The following DEF6 variants were observed in gnomAD, a reference collection of about 807,000 sequenced individuals.
DEF6 encodes the protein DEF6 guanine nucleotide exchange factor.
A neutral mutation model predicts 80.5 loss-of-function variants in DEF6; 32 were observed. The observed-to-expected ratio is 0.40, with a 90% CI of 0.30 to 0.53. The LOEUF (loss-of-function observed/expected upper bound fraction) is 0.53. Among genes scored for constraint, DEF6 ranks in the 20% least tolerant of loss-of-function variants. The pLI, the probability that DEF6 is intolerant of heterozygous loss-of-function variation, is 0.57. For missense variants in DEF6, 575 were observed against 818.7 expected (o/e 0.70, Z 3.63); for synonymous variants, 300 against 337.9 (o/e 0.89, Z 1.23).
At chr6:35,302,243 C>A (rs1226608151) in intron 1 of DEF6, among the ~76,000 whole-genome samples, 1 of 152,132 alleles carries the variant, frequency 6.6e-6, no homozygotes, top group Non-Finnish European at 1.5e-5. Flanking sequence ...CCTATAGTTC[C>A]TGCTACTCTG....
intron 1 of DEF6, among the ~76,000 whole-genome samples, chr6:35,307,138 C>T (rs1562147544): frequency 6.6e-6 from 1 of 152,356 alleles, no homozygotes; most frequent in East Asian, 1.9e-4. Flanking sequence ...TGGCTCACGC[C>T]CTGTAATCCC....
intron 1 of DEF6, among the ~76,000 whole-genome samples, chr6:35,301,584 A>C (rs1020184960): frequency 6.6e-6 from 1 of 152,154 alleles, no homozygotes; most frequent in Admixed American, 6.5e-5. Context: ...CAACCCCTAC[A>C]GCCCCTTCTT....
intron 1 of DEF6, 90 bp downstream of exon 1, chr6:35,298,042 C>G (rs1791263158): frequency 5.4e-6 from 6 of 1,117,994 alleles, no homozygotes; most frequent in Non-Finnish European, 5.2e-6. Context: ...CTGTGCCACT[C>G]CAGGGGCACC....
intron 2 of DEF6, among the ~76,000 whole-genome samples, chr6:35,310,028 TG>T (rs1483336035): frequency 6.7e-6 from 1 of 150,104 alleles, no homozygotes; most frequent in Non-Finnish European, 1.5e-5. Context: ...TCATCTCTAA[TG>T]AGGTGGGCCC....
At chr6:35,305,316 TG>T (rs1791374711) in intron 1 of DEF6, among the ~76,000 whole-genome samples, 2 of 150,678 alleles carry the variant, frequency 1.3e-5, no homozygotes, top group South Asian at 4.2e-4. Context: ...CGGCTAATTT[TG>T]GTATTACAAA....
At chr6:35,305,838 G>T (rs1194294999) in intron 1 of DEF6, among the ~76,000 whole-genome samples, 2 of 152,192 alleles carry the variant, frequency 1.3e-5, no homozygotes, top group Admixed American at 1.3e-4. Flanking sequence ...CTCCCAAAGT[G>T]CTGGGATTAC....
intron 5 of DEF6, chr6:35,313,275 C>G: frequency 2.4e-6 from 1 of 415,304 alleles, no homozygotes; most frequent in South Asian, 1.8e-5. Flanking sequence ...TGAAACTTCC[C>G]ATTTTAACTA....
intron 1 of DEF6, among the ~76,000 whole-genome samples, chr6:35,301,878 C>G (rs1203999729): frequency 6.6e-6 from 1 of 152,028 alleles, no homozygotes; most frequent in Non-Finnish European, 1.5e-5. Flanking sequence ...AGGTGCCCAC[C>G]ACCACGCCCA....
chr6:35,318,031 T>G lies in DEF6; in HGVS notation c.916+32T>G. ...GCTCGCTAGGTGGCTTGGGTCTGGGTGGTCCTTAGGCGCCTCATCTGTGAA... is the reference window on the plus strand; with the variant it reads ...GCTCGCTAGGTGGCTTGGGTCTGGGGGGTCCTTAGGCGCCTCATCTGTGAA... On this transcript the variant is annotated intron_variant, in intron 6 of 10. Transcript: ENST00000316637. This position sits in a 1 kb window ranked among gnomAD's most constrained non-coding sequence, Gnocchi z 5.1. 4 of 1,598,118 alleles carry G rather than the reference T, an allele frequency of 2.5e-6. No homozygotes were observed. The highest frequency in any genetic ancestry group is 3.4e-6 in the Non-Finnish European group (4 of 1,171,682).
At chr6:35,316,399 TCTCTTGCC>T (rs1055093457) in intron 5 of DEF6, among the ~76,000 whole-genome samples, 1 of 152,144 alleles carries the variant, frequency 6.6e-6, no homozygotes, top group African/African-American at 2.4e-5. Context: ...TTCATTTCCT[TCTCTTGCC>T]TAATTGCTCT....
At chr6:35,299,943 G>A (rs775628405) in intron 1 of DEF6, among the ~76,000 whole-genome samples, 3 of 148,412 alleles carry the variant, frequency 2.0e-5, no homozygotes, top group East Asian at 1.9e-4. Context: ...GGAAGCAGAC[G>A]AGAGAGTTAT....
intron 1 of DEF6, among the ~76,000 whole-genome samples, chr6:35,307,377 C>T (rs1331629998): frequency 3.3e-5 from 5 of 152,318 alleles, no homozygotes; most frequent in Middle Eastern, 3.4e-3. Flanking sequence ...CTAGCCTGGG[C>T]GGCAGATTTG....
chr6:35,299,856 G>A (rs1344774691), intron 1 of DEF6, among the ~76,000 whole-genome samples: 1 of 152,068 alleles, frequency 6.6e-6, no homozygotes, highest in Non-Finnish European at 1.5e-5. Context: ...GGAAGAGGAG[G>A]AAGTAGTGAT....
intron 1 of DEF6, among the ~76,000 whole-genome samples, chr6:35,299,201 A>G (rs1357931510): frequency 3.3e-5 from 5 of 152,204 alleles, no homozygotes; most frequent in African/African-American, 1.2e-4. Context: ...ACCTCCTAAC[A>G]GGCAGATTCT....
rs1791259212 is a variant in DEF6 at position 35,297,916 on chromosome 6, G to A, written c.60G>A (p.Val20=). 8 of 1,607,130 alleles carry A rather than the reference G, an allele frequency of 5.0e-6. No individual in the cohort carries two copies. Among genetic ancestry groups the A allele is most frequent in the South Asian group, 1.1e-5 (1 of 89,524 alleles). ...SIWYAFTALD[V]EKSGKVSKSQ... ...GGTACGCCTTTACCGCGCTGGACGT[G>A]GAGAAGAGTGGCAAAGTCTCCAAGT... Residue 20 remains valine (V), a synonymous_variant, in exon 1 of 11, where the codon GTG becomes GTA. Transcript: ENST00000316637.
At position 35,312,810 on chromosome 6, in the gene DEF6, C is replaced by G. The variant is rs374279802; in HGVS notation, c.807+38C>G. 3.1e-6 allele frequency: 5 copies of G among 1,593,360 alleles called. No homozygotes were observed. The highest frequency in any genetic ancestry group is 2.3e-5 in the East Asian group (1 of 44,258). On this transcript the variant is annotated intron_variant, in intron 5 of 10. Coordinates refer to ENST00000316637, the MANE Select transcript of DEF6 (RefSeq NM_022047.4). The surrounding 1 kb of genome is among the most constrained non-coding windows in gnomAD (Gnocchi z 6.6). Reference sequence around the variant, plus strand: ...ATGGGGGTGGAGGACATCTCAGGGCCCAGAGTGTCCTCAGGGGCATGAGAA... The same window carrying G: ...ATGGGGGTGGAGGACATCTCAGGGCGCAGAGTGTCCTCAGGGGCATGAGAA...
rs981924176 is a variant in DEF6 at position 35,301,715 on chromosome 6, A to C, written c.96+3763A>C. ...CTAGAATACATTTGGTAACTCTTAAAAGGAGCTGTGTCTTTTTTTTTTTTT... is the reference window on the plus strand; with the variant it reads ...CTAGAATACATTTGGTAACTCTTAACAGGAGCTGTGTCTTTTTTTTTTTTT... On this transcript the variant is annotated intron_variant, in intron 1 of 10. Transcript: ENST00000316637. 7.7e-5 allele frequency among the ~76,000 whole-genome samples: 11 copies of C among 142,106 alleles called. No individual in the cohort carries two copies. The Admixed American group carries it at 7.9e-4, about 10-fold the overall frequency. 93.2% of individuals were successfully genotyped at this position (142,106 alleles called of 152,430 possible).
intron 5 of DEF6, among the ~76,000 whole-genome samples, chr6:35,313,215 C>T (rs1214875072): frequency 2.6e-5 from 4 of 152,134 alleles, no homozygotes; most frequent in East Asian, 1.9e-4. Context: ...AGGCTTAAAA[C>T]ACAAGCGTCT....
chr6:35,318,113 C>A lies in DEF6; in HGVS notation c.917-60C>A, dbSNP rs1391551639. On this transcript the variant is annotated intron_variant, in intron 6 of 10. Coordinates refer to ENST00000316637, the MANE Select transcript of DEF6 (RefSeq NM_022047.4). The surrounding 1 kb of genome is among the most constrained non-coding windows in gnomAD (Gnocchi z 5.1). ...GTTGGAGAGTGGACTCGGGAAACTC[C>A]TAAGGCCCCTTTCGGGCCGTGTGCG... 8.5e-6 allele frequency: 13 copies of A among 1,536,656 alleles called. No homozygotes were observed. Among genetic ancestry groups the A allele is most frequent in the Non-Finnish European group, 1.1e-5 (13 of 1,142,406 alleles).
Sources: allele counts gnomAD v4.1 joint callset (sites outside exome capture counted in the v4.1 genomes callset), GRCh38; gene constraint gnomAD v4.1.1; non-coding constraint Gnocchi (gnomAD v3.1); transcripts MANE v1.5; gene names NCBI Gene and HGNC (gene_info 2026-07-23, HGNC 2026-07-21).